TET3: variants seen among roughly 807,000 people sequenced by gnomAD.
TET3 encodes the protein tet methylcytosine dioxygenase 3.
TET3 carries 19 observed loss-of-function variants against 141.4 expected under a neutral mutation model. The observed-to-expected ratio is 0.13, with a 90% CI of 0.09 to 0.20. The LOEUF (loss-of-function observed/expected upper bound fraction) is 0.20. Among genes scored for constraint, TET3 ranks in the 10% least tolerant of loss-of-function variants. The probability of loss-of-function intolerance (pLI) is 1.00; values close to 1 mark genes in which losing one functional copy is unlikely to be tolerated. For missense variants in TET3, 1,874 were observed against 2,356.9 expected, an observed-to-expected ratio of 0.80 and a Z score of 4.24; for synonymous variants, 1,043 against 980.9, an observed-to-expected ratio of 1.06 and a Z score of -1.18.
At chr2:74,063,257 C>T (rs1688696081) in intron 4 of TET3, among the ~76,000 whole-genome samples, 1 of 151,930 alleles carries the variant, frequency 6.6e-6, no homozygotes, top group African/African-American at 2.4e-5. Flanking sequence ...CTAATTGTCC[C>T]ACCGTTGGTG....
chr2:74,117,765 T>G, the TET3 span, among the ~76,000 whole-genome samples: 1 of 89,964 alleles, frequency 1.1e-5, no homozygotes, highest in Non-Finnish European at 2.2e-5. Flanking sequence ...TATTTTTTTA[T>G]AACGGAGTCA....
chr2:74,115,219 G>A, the TET3 span, among the ~76,000 whole-genome samples: 4 of 152,064 alleles, frequency 2.6e-5, no homozygotes, highest in African/African-American at 7.2e-5. Flanking sequence ...AATAGGGAAC[G>A]AATATCCAGA....
At chr2:73,985,518 C>CGGGCGCGGCGGGCGCGGGCTGCCCA (rs1683974937) in intron 1 of TET3, among the ~76,000 whole-genome samples, 1 of 144,958 alleles carries the variant, frequency 6.9e-6, no homozygotes, top group Non-Finnish European at 1.5e-5. Flanking sequence ...GCTCCGGCGG[C>CGGGCGCGGCGGGCGCGGGCTGCCCA]GGGCGCGGCG....
At chr2:74,123,584 A>G in the TET3 span, among the ~76,000 whole-genome samples, 1 of 151,818 alleles carries the variant, frequency 6.6e-6, no homozygotes, top group African/African-American at 2.4e-5. Flanking sequence ...GCTGGAGTGC[A>G]GTGGCGTGAT....
intron 5 of TET3, among the ~76,000 whole-genome samples, chr2:74,077,001 G>T (rs1182158427): frequency 1.3e-5 from 2 of 152,212 alleles, no homozygotes; most frequent in African/African-American, 4.8e-5. Context: ...ATAGATAATT[G>T]GAGTCAGTTG....
chr2:74,017,864 T>C (rs760308578), intron 3 of TET3, among the ~76,000 whole-genome samples: 32 of 152,292 alleles, frequency 2.1e-4, no homozygotes, highest in Admixed American at 1.4e-3. Context: ...CAACAGTCTG[T>C]AAGAGTTCCC....
chr2:74,035,594 G>A (rs2105313202), intron 3 of TET3, among the ~76,000 whole-genome samples: 1 of 152,188 alleles, frequency 6.6e-6, no homozygotes, highest in Middle Eastern at 3.4e-3. Flanking sequence ...GGGCATGGTG[G>A]TGGGCGCCTG....
intron 3 of TET3, among the ~76,000 whole-genome samples, chr2:74,022,153 T>C (rs1442877301): frequency 2.7e-5 from 4 of 149,018 alleles, no homozygotes; most frequent in Admixed American, 6.7e-5. Flanking sequence ...CCCTCTGGGA[T>C]TGTCAAAATA....
intron 2 of TET3, among the ~76,000 whole-genome samples, chr2:73,994,194 A>G (rs140545462): frequency 1.3e-5 from 2 of 152,288 alleles, no homozygotes; most frequent in Non-Finnish European, 2.9e-5. Context: ...TGAAACTCTA[A>G]AAAAGAATGT....
At chr2:73,997,537 G>A (rs756634148) in intron 2 of TET3, among the ~76,000 whole-genome samples, 1 of 152,162 alleles carries the variant, frequency 6.6e-6, no homozygotes, top group Non-Finnish European at 1.5e-5. Flanking sequence ...AGTGGGAGAA[G>A]AGCTGGTGCC....
At chr2:74,049,039 A>G (rs1215167920) in intron 4 of TET3, among the ~76,000 whole-genome samples, 1 of 152,158 alleles carries the variant, frequency 6.6e-6, no homozygotes, top group Non-Finnish European at 1.5e-5. Context: ...GGGAAGCTTG[A>G]GGGCACTGAG....
chr2:74,097,952 T>C (rs1351201446), intron 10 of TET3, among the ~76,000 whole-genome samples: 2 of 151,978 alleles, frequency 1.3e-5, no homozygotes, highest in Non-Finnish European at 2.9e-5. Flanking sequence ...ATCAAAAATA[T>C]AGAAAATAAG....
chr2:73,998,955 A>G (rs1418277045), intron 2 of TET3, among the ~76,000 whole-genome samples: 1 of 152,196 alleles, frequency 6.6e-6, no homozygotes, highest in Non-Finnish European at 1.5e-5. Context: ...TTGGGAATGC[A>G]GGACACACAG....
chr2:74,031,527 C>T (rs1427800798), intron 3 of TET3, among the ~76,000 whole-genome samples: 5 of 152,128 alleles, frequency 3.3e-5, no homozygotes, highest in Non-Finnish European at 5.9e-5. Flanking sequence ...GATAATGAAG[C>T]TTTACACACT....
chr2:74,095,908 C>T (rs1047218998), intron 10 of TET3, among the ~76,000 whole-genome samples: 4 of 152,214 alleles, frequency 2.6e-5, no homozygotes, highest in African/African-American at 4.8e-5. Flanking sequence ...TACTTGGCAA[C>T]ACTGGATTTT....
At chr2:74,065,642 TTC>T (rs1035076091) in intron 4 of TET3, among the ~76,000 whole-genome samples, 2 of 144,104 alleles carry the variant, frequency 1.4e-5, no homozygotes, top group African/African-American at 2.6e-5. Flanking sequence ...TTCCTTCTCT[TTC>T]TCTCTCTTCT....
At chr2:74,015,552 G>C (rs1685685886) in intron 3 of TET3, among the ~76,000 whole-genome samples, 1 of 152,054 alleles carries the variant, frequency 6.6e-6, no homozygotes, top group East Asian at 1.9e-4. Context: ...ACCTTTCCAT[G>C]TCAGTACATC....
chr2:74,069,562 A>G (rs1298159723), intron 4 of TET3, among the ~76,000 whole-genome samples: 1 of 151,528 alleles, frequency 6.6e-6, no homozygotes, highest in East Asian at 1.9e-4. Flanking sequence ...CTAGCCCCCC[A>G]GGAGTCACCT....
At chr2:74,024,426 G>C (rs1403534606) in intron 3 of TET3, among the ~76,000 whole-genome samples, 1 of 152,204 alleles carries the variant, frequency 6.6e-6, no homozygotes. Flanking sequence ...CAGGCACTCT[G>C]TTTCTCCTGT....
Sources: gnomAD v4.1 joint callset for allele counts (sites outside exome capture counted in the v4.1 genomes callset) on GRCh38, gnomAD v4.1.1 for gene constraint, MANE v1.5 for transcripts, NCBI Gene and HGNC (gene_info 2026-07-23, HGNC 2026-07-21) for gene names.